Variants in RPTOR observed in about 807,000 individuals in gnomAD.
RPTOR encodes the protein regulatory associated protein of MTOR complex 1, also known as regulatory-associated protein of mTOR.
Under a neutral mutation model 169.9 loss-of-function variants are expected in RPTOR, and 21 were observed. The observed-to-expected ratio is 0.12, with a 90% CI of 0.09 to 0.18. The LOEUF (loss-of-function observed/expected upper bound fraction) is 0.18, where lower values mean the gene tolerates loss of function less well. Among genes scored for constraint, RPTOR ranks in the 10% least tolerant of loss-of-function variants. The probability of loss-of-function intolerance (pLI) is 1.00; values close to 1 mark genes in which losing one functional copy is unlikely to be tolerated. For synonymous variants in RPTOR, 732 were observed against 753.2 expected, an observed-to-expected ratio of 0.97 and a Z score of 0.46; for missense variants, 1,133 against 1,855.9, an observed-to-expected ratio of 0.61 and a Z score of 7.16.
intron 4 of RPTOR, among the ~76,000 whole-genome samples, chr17:80,711,231 A>C (rs2066187494): frequency 6.6e-6 from 1 of 152,010 alleles, no homozygotes; most frequent in Non-Finnish European, 1.5e-5. Context: ...TTTCTTGTTG[A>C]TTATTCCTGT....
At chr17:80,682,036 C>A (rs1477554525) in intron 3 of RPTOR, among the ~76,000 whole-genome samples, 1 of 151,396 alleles carries the variant, frequency 6.6e-6, no homozygotes, top group African/African-American at 2.4e-5. Context: ...GTTGGCCCCC[C>A]AAAAGATTAG....
At chr17:80,792,855 C>G (rs2143500159) in intron 7 of RPTOR, among the ~76,000 whole-genome samples, 1 of 152,158 alleles carries the variant, frequency 6.6e-6, no homozygotes, top group African/African-American at 2.4e-5. Context: ...TTTTAGAGCT[C>G]TCTATTACCT....
intron 10 of RPTOR, among the ~76,000 whole-genome samples, chr17:80,843,551 C>T (rs564508992): frequency 2.5e-4 from 38 of 152,026 alleles, no homozygotes; most frequent in Non-Finnish European, 4.3e-4. Flanking sequence ...ACTGAGCAGC[C>T]GTACAGGGGG....
intron 3 of RPTOR, among the ~76,000 whole-genome samples, chr17:80,692,663 A>G (rs1025584022): frequency 1.3e-5 from 2 of 151,366 alleles, no homozygotes; most frequent in African/African-American, 2.4e-5. Context: ...AAGTCTTCCT[A>G]TGTTGCCCAG....
intron 5 of RPTOR, among the ~76,000 whole-genome samples, chr17:80,745,172 G>C (rs1267712961): frequency 6.6e-6 from 1 of 152,266 alleles, no homozygotes; most frequent in African/African-American, 2.4e-5. Context: ...GACTGTGAGA[G>C]AAATTAGTGT....
chr17:80,777,649 G>A (rs2066904427), intron 6 of RPTOR, among the ~76,000 whole-genome samples: 1 of 151,904 alleles, frequency 6.6e-6, no homozygotes, highest in African/African-American at 2.4e-5. Flanking sequence ...TGTACTTTTA[G>A]TGTCATGTTT....
chr17:80,737,441 C>T (rs199783187), intron 5 of RPTOR, among the ~76,000 whole-genome samples: 59 of 152,260 alleles, frequency 3.9e-4, no homozygotes, highest in Middle Eastern at 3.4e-3. Flanking sequence ...TGCTTTCCGG[C>T]AGGGGGGCGG....
At chr17:80,686,849 A>G (rs867801423) in intron 3 of RPTOR, among the ~76,000 whole-genome samples, 6 of 152,292 alleles carry the variant, frequency 3.9e-5, no homozygotes, top group South Asian at 4.1e-4. Context: ...GGACCCTTCC[A>G]TGAAATTTAT....
chr17:80,816,985 A>G (rs2067330773), intron 7 of RPTOR, among the ~76,000 whole-genome samples: 1 of 152,196 alleles, frequency 6.6e-6, no homozygotes, highest in South Asian at 2.1e-4. Flanking sequence ...ACACACCCTC[A>G]TAGAGCCTCA....
chr17:80,891,179 T>C (rs2068318146), intron 17 of RPTOR, among the ~76,000 whole-genome samples: 1 of 152,238 alleles, frequency 6.6e-6, no homozygotes, highest in African/African-American at 2.4e-5. Flanking sequence ...CTAAAGATGA[T>C]GTTTTAGTTC....
intron 9 of RPTOR, among the ~76,000 whole-genome samples, chr17:80,832,427 CT>C (rs2067515952): frequency 6.6e-6 from 1 of 152,194 alleles, no homozygotes; most frequent in Non-Finnish European, 1.5e-5. Flanking sequence ...CATCGCCCCC[CT>C]GTCCTGTGGC....
chr17:80,920,565 G>A (rs185896069), intron 21 of RPTOR, among the ~76,000 whole-genome samples: 14 of 152,194 alleles, frequency 9.2e-5, no homozygotes, highest in African/African-American at 2.4e-4. Context: ...CAGAGGGTTC[G>A]TCACCACGGC....
At position 80,957,874 on chromosome 17, in the gene RPTOR, C is replaced by A; in HGVS notation, c.3477+144C>A. ...AGGGCCTGGGAGGACAGTGCCGGGA[C>A]AATGCTGGGAGGAGACGTGGGCTCC... On this transcript the variant is annotated intron_variant, in intron 29 of 33. Coordinates refer to ENST00000306801, the MANE Select transcript of RPTOR (RefSeq NM_020761.3). This position sits in a 1 kb window ranked among gnomAD's most constrained non-coding sequence, Gnocchi z 4.6. 1 of 726,010 alleles carries A rather than the reference C, an allele frequency of 1.4e-6. No homozygotes were observed. Among genetic ancestry groups the A allele is most frequent in the Non-Finnish European group, 2.3e-6 (1 of 426,182 alleles). 45.0% of individuals were successfully genotyped at this position (726,010 alleles called of 1,614,324 possible).
chr17:80,962,427 GGGA>G, intron 31 of RPTOR, 31 bp from the exon 32 acceptor site: 1 of 1,582,818 alleles, frequency 6.3e-7, no homozygotes, highest in African/African-American at 1.3e-5. Flanking sequence ...TGGGGCCTCC[GGGA>G]GGAGGTGTCA....
chr17:80,591,882 A>C lies in RPTOR; in HGVS notation c.163-33809A>C, dbSNP rs138443725. On this transcript the variant is annotated intron_variant, in intron 1 of 33. Coordinates refer to ENST00000306801, the MANE Select transcript of RPTOR (RefSeq NM_020761.3). The stretch of plus-strand genomic sequence containing the variant: ...TAAAATAGAGGTTGAGAGTCACTGC[A>C]TGAGAGGCTGGTTCTTTTCAGGGAA... 5.2e-3 allele frequency among the ~76,000 whole-genome samples: 785 copies of C among 152,318 alleles called. 4 individuals are homozygous for C. The highest frequency in any genetic ancestry group is 0.018 in the African/African-American group (736 of 41,566).
chr17:80,907,925 C>T (rs1355002444), intron 20 of RPTOR, among the ~76,000 whole-genome samples: 3 of 152,202 alleles, frequency 2.0e-5, no homozygotes, highest in Admixed American at 6.5e-5. Flanking sequence ...CACTCTCGCT[C>T]CTTCCTGCAT....
chr17:80,943,701 C>T (rs1475109305), intron 25 of RPTOR, among the ~76,000 whole-genome samples: 1 of 141,732 alleles, frequency 7.1e-6, no homozygotes, highest in African/African-American at 2.7e-5. Flanking sequence ...CAACGGTCCT[C>T]TGAGCCAGAC....
intron 2 of RPTOR, among the ~76,000 whole-genome samples, chr17:80,630,069 C>T (rs2065430672): frequency 6.7e-6 from 1 of 149,102 alleles, no homozygotes; most frequent in Non-Finnish European, 1.5e-5. Context: ...AGGGGAAATG[C>T]ATATTGCCTG....
intron 13 of RPTOR, among the ~76,000 whole-genome samples, chr17:80,858,612 G>A (rs1001165513): frequency 6.6e-6 from 1 of 152,212 alleles, no homozygotes; most frequent in Non-Finnish European, 1.5e-5. Flanking sequence ...CCTCCTGCAG[G>A]AGCTACCAGC....
Sources: allele counts gnomAD v4.1 joint callset (sites outside exome capture counted in the v4.1 genomes callset), GRCh38; gene constraint gnomAD v4.1.1; non-coding constraint Gnocchi (gnomAD v3.1); transcripts MANE v1.5; gene names NCBI Gene and HGNC (gene_info 2026-07-23, HGNC 2026-07-21).